The following ACOT7 variants were observed in gnomAD, a reference collection of about 807,000 sequenced individuals.
ACOT7 encodes cytosolic acyl coenzyme A thioester hydrolase.
Under a neutral mutation model 40.2 loss-of-function variants are expected in ACOT7, and 12 were observed. That is an observed-to-expected ratio of 0.30 (90% CI 0.19 to 0.48). The LOEUF (loss-of-function observed/expected upper bound fraction) is 0.48, where lower values mean the gene tolerates loss of function less well. ACOT7 is among the 20% of genes least tolerant of loss of function. The pLI is 0.99. For missense variants in ACOT7, 395 were observed against 530.8 expected, an observed-to-expected ratio of 0.74 and a Z score of 2.51; for synonymous variants, 228 against 219.5, an observed-to-expected ratio of 1.04 and a Z score of -0.34.
At chr1:6,321,934 G>C (rs1194493454) in intron 5 of ACOT7, among the ~76,000 whole-genome samples, 1 of 152,214 alleles carries the variant, frequency 6.6e-6, no homozygotes, top group Non-Finnish European at 1.5e-5. Context: ...GTGGTATTGT[G>C]GGTTTCAGGG....
chr1:6,309,166 G>T (rs1640262029), intron 6 of ACOT7, among the ~76,000 whole-genome samples: 1 of 152,212 alleles, frequency 6.6e-6, no homozygotes, highest in African/African-American at 2.4e-5. Flanking sequence ...CCAGTTAAGG[G>T]GCTCAGTCAT....
intron 3 of ACOT7, among the ~76,000 whole-genome samples, chr1:6,338,000 C>CA (rs769360339): frequency 0.18 from 12,581 of 70,292 alleles, 971 homozygotes; most frequent in Non-Finnish European, 0.22. Context: ...GACACCATCT[C>CA]AAAAAAAAAA....
At chr1:6,382,941 C>T (rs1002717832) in intron 1 of ACOT7, among the ~76,000 whole-genome samples, 1 of 151,470 alleles carries the variant, frequency 6.6e-6, no homozygotes, top group Admixed American at 6.6e-5. Flanking sequence ...TGCAATGTCA[C>T]GATCTTGGAT....
intron 2 of ACOT7, among the ~76,000 whole-genome samples, chr1:6,343,787 C>T (rs2148449237): frequency 6.6e-6 from 1 of 152,370 alleles, no homozygotes; most frequent in Admixed American, 6.5e-5. Flanking sequence ...TTACGGTATG[C>T]TATGCTGACA....
At chr1:6,344,071 G>A (rs1255479776) in intron 2 of ACOT7, among the ~76,000 whole-genome samples, 1 of 152,242 alleles carries the variant, frequency 6.6e-6, no homozygotes, top group Non-Finnish European at 1.5e-5. Context: ...TGTTAGGCAG[G>A]AGGAGGTAGG....
chr1:6,276,994 C>T (rs879866492), intron 8 of ACOT7, among the ~76,000 whole-genome samples: 2 of 152,112 alleles, frequency 1.3e-5, no homozygotes, highest in South Asian at 2.1e-4. Context: ...CTGACCACCC[C>T]CCCCCAGGGT....
rs773391670 is a variant in ACOT7 at position 6,264,695 on chromosome 1, G to C, written c.1015C>G (p.Pro339Ala). ...GRSLPVPQLV[P>A]ETEDEKKRFE... is the part of the protein sequence containing the mutation. ...CGCTTCTTCTCGTCCTCGGTCTCGG[G>C]CTGTGGACCACACACAGAGACAGGC... Residue 339 changes from proline to alanine, a missense_variant and splice_region_variant, in exon 9 of 9, where the codon CCC becomes GCC. By Grantham distance (27) the Pro-to-Ala change is conservative. Transcript: ENST00000361521. 4 of 1,612,850 alleles carry C rather than the reference G, an allele frequency of 2.5e-6. No homozygotes were observed. Among genetic ancestry groups the C allele is most frequent in the South Asian group, 1.1e-5 (1 of 91,026 alleles).
At chr1:6,365,610 A>AAAAAT (rs1641989907) in intron 1 of ACOT7, among the ~76,000 whole-genome samples, 1 of 151,892 alleles carries the variant, frequency 6.6e-6, no homozygotes, top group African/African-American at 2.4e-5. Flanking sequence ...TCTACTAAAA[A>AAAAAT]ACAAAAAATT....
In ACOT7 at chr1:6,327,407, G is replaced by A. The variant is rs746248748; in HGVS notation, c.517C>T (p.Arg173Trp). The change falls in exon 5 of 9, where the codon CGG becomes TGG. Residue 173 changes from arginine to tryptophan, a missense_variant. By Grantham distance (101) the Arg-to-Trp change is moderately radical. Transcript: ENST00000361521. ...VLEVPPVVYSRQEQEEEGRKR... is the reference protein window; with the variant it reads ...VLEVPPVVYSWQEQEEEGRKR... Reference sequence around the variant, plus strand: ...CGGCCCTCCTCCTCCTGCTCCTGCCGGGAATACTGCGAGAAACCAAAGACA... The same window carrying A: ...CGGCCCTCCTCCTCCTGCTCCTGCCAGGAATACTGCGAGAAACCAAAGACA... 5.6e-6 allele frequency: 9 copies of A among 1,613,928 alleles called. No individual in the cohort carries two copies. The highest frequency in any genetic ancestry group is 3.3e-5 in the Admixed American group (2 of 60,000).
intron 2 of ACOT7, among the ~76,000 whole-genome samples, chr1:6,348,330 G>A (rs1022597317): frequency 3.3e-5 from 5 of 149,380 alleles, no homozygotes; most frequent in Non-Finnish European, 7.4e-5. Context: ...ACATGCATAC[G>A]CAGATACACA....
chr1:6,276,776 T>G (rs1639204577), intron 8 of ACOT7, among the ~76,000 whole-genome samples: 1 of 152,168 alleles, frequency 6.6e-6, no homozygotes, highest in African/African-American at 2.4e-5. Context: ...CAGTGGCTAT[T>G]TCTATCAACA....
At position 6,315,733 on chromosome 1, in the gene ACOT7, C is replaced by T. The variant is rs563175123; in HGVS notation, c.712+2759G>A. On this transcript the variant is annotated intron_variant, in intron 6 of 8. Transcript: ENST00000361521. Reference sequence around the variant, plus strand: ...GCCACTACACTCCAGCCTGGGTGGGCGACAGAGTGAGACTCTGTCTAAAAA... The same window carrying T: ...GCCACTACACTCCAGCCTGGGTGGGTGACAGAGTGAGACTCTGTCTAAAAA... Among the ~76,000 whole-genome samples the T allele has an allele frequency of 4.1e-4, 45 of 110,724 alleles. No individual in the cohort carries two copies. In the South Asian group the frequency reaches 0.013, roughly 32 times the overall value. 72.6% of individuals were successfully genotyped at this position (110,724 alleles called of 152,430 possible).
In ACOT7 at chr1:6,278,721, T is replaced by G. The variant is rs1348073038; in HGVS notation, c.1014+2381A>C. ...ACCCCAGGAGAGAAGGGCCACAGGT[T>G]AGGACATGTCAAAGCCAAGGGTTCG... On this transcript the variant is annotated intron_variant, in intron 8 of 8. Coordinates refer to ENST00000361521, the MANE Select transcript of ACOT7 (RefSeq NM_007274.4). This position sits in a 1 kb window ranked among gnomAD's most constrained non-coding sequence, Gnocchi z 4.1. 1.3e-5 allele frequency among the ~76,000 whole-genome samples: 2 copies of G among 152,104 alleles called. No homozygotes were observed. The highest frequency in any genetic ancestry group is 4.8e-5 in the African/African-American group (2 of 41,392).
intron 6 of ACOT7, among the ~76,000 whole-genome samples, chr1:6,314,180 C>A (rs978521905): frequency 6.6e-6 from 1 of 152,066 alleles, no homozygotes; most frequent in Non-Finnish European, 1.5e-5. Context: ...AACACCGTTT[C>A]GAGGGAAAGT....
Position 6,264,355 on chromosome 1 carries a change from G to A in ACOT7, c.*242C>T. On this transcript the variant is annotated 3_prime_UTR_variant, in exon 9 of 9. Coordinates refer to ENST00000361521, the MANE Select transcript of ACOT7 (RefSeq NM_007274.4). ...CTCGGAAGCATTCCCGAGGGTTTCTGCCCAACGCCTCCCGGCGCTCGGGAC... is the reference window on the plus strand; with the variant it reads ...CTCGGAAGCATTCCCGAGGGTTTCTACCCAACGCCTCCCGGCGCTCGGGAC... 5.9e-6 allele frequency: 3 copies of A among 507,186 alleles called. No homozygotes were observed. Among genetic ancestry groups the A allele is most frequent in the Non-Finnish European group, 1.0e-5 (3 of 289,954 alleles). 31.4% of individuals were successfully genotyped at this position (507,186 alleles called of 1,614,324 possible).
intron 1 of ACOT7, among the ~76,000 whole-genome samples, chr1:6,361,115 T>C (rs1420127450): frequency 6.6e-6 from 1 of 152,058 alleles, no homozygotes; most frequent in Non-Finnish European, 1.5e-5. Flanking sequence ...GTAAACAAAA[T>C]ACGATAAATC....
chr1:6,350,194 G>A (rs1480509313), intron 1 of ACOT7, among the ~76,000 whole-genome samples: 2 of 152,198 alleles, frequency 1.3e-5, no homozygotes, highest in Non-Finnish European at 2.9e-5. Context: ...ACAGGGCAGG[G>A]AGGTGGTGAT....
At chr1:6,283,218 C>T (rs1639405610) in intron 7 of ACOT7, among the ~76,000 whole-genome samples, 1 of 152,200 alleles carries the variant, frequency 6.6e-6, no homozygotes, top group African/African-American at 2.4e-5. Context: ...GGCTGGAGGG[C>T]AGTGGTGCCA....
chr1:6,297,364 C>T (rs1352402337), intron 6 of ACOT7, among the ~76,000 whole-genome samples: 1 of 152,138 alleles, frequency 6.6e-6, no homozygotes, highest in Non-Finnish European at 1.5e-5. Context: ...TCCTAATAAA[C>T]CCAGAGAGAG....
Sources: allele counts gnomAD v4.1 joint callset (sites outside exome capture counted in the v4.1 genomes callset), GRCh38; gene constraint gnomAD v4.1.1; non-coding constraint Gnocchi (gnomAD v3.1); transcripts MANE v1.5; gene names NCBI Gene and HGNC (gene_info 2026-07-23, HGNC 2026-07-21).